Variants in OSBPL10 observed in about 807,000 individuals in gnomAD.
OSBPL10 encodes the protein oxysterol binding protein like 10, also known as oxysterol-binding protein-related protein 10.
In OSBPL10, 49 loss-of-function variants were observed where a neutral mutation model predicts 81.7. That is an observed-to-expected ratio of 0.60 (90% CI 0.48 to 0.76). The LOEUF is 0.76. OSBPL10 is among the 30% of genes least tolerant of loss of function. The probability of loss-of-function intolerance (pLI) is 0.00; values close to 1 mark genes in which losing one functional copy is unlikely to be tolerated. For missense variants in OSBPL10, 923 were observed against 987.8 expected, an observed-to-expected ratio of 0.93 and a Z score of 0.88; for synonymous variants, 419 against 383.6, an observed-to-expected ratio of 1.09 and a Z score of -1.08.
chr3:31,729,248 T>A (rs1024826335), intron 6 of OSBPL10, among the ~76,000 whole-genome samples: 2 of 152,168 alleles, frequency 1.3e-5, no homozygotes, highest in East Asian at 3.8e-4. Flanking sequence ...GATGGGTTTA[T>A]CTCATTGCCC....
intron 2 of OSBPL10, among the ~76,000 whole-genome samples, chr3:31,998,250 T>C (rs917482428): frequency 2.0e-5 from 3 of 152,184 alleles, no homozygotes; most frequent in South Asian, 2.1e-4. Context: ...TGGCATTTTT[T>C]TTGCCCCCAG....
At chr3:31,977,499 ACTAGGTG>A (rs1698723407) in intron 1 of OSBPL10, among the ~76,000 whole-genome samples, 1 of 152,160 alleles carries the variant, frequency 6.6e-6, no homozygotes, top group South Asian at 2.1e-4. Flanking sequence ...ATCCTGGCCA[ACTAGGTG>A]CTAGGTCATC....
At chr3:32,026,773 A>G (rs1281995495) in intron 2 of OSBPL10, among the ~76,000 whole-genome samples, 1 of 152,206 alleles carries the variant, frequency 6.6e-6, no homozygotes, top group African/African-American at 2.4e-5. Flanking sequence ...TACTACTTTT[A>G]GTTGAGACAG....
chr3:31,827,128 G>C (rs1002950370), intron 4 of OSBPL10, among the ~76,000 whole-genome samples: 3 of 151,824 alleles, frequency 2.0e-5, no homozygotes, highest in Non-Finnish European at 2.9e-5. Context: ...GCCCAGGCTG[G>C]TTTTGAACTC....
chr3:31,671,623 C>CTTAG (rs1272532505), intron 8 of OSBPL10, among the ~76,000 whole-genome samples: 1 of 152,274 alleles, frequency 6.6e-6, no homozygotes, highest in African/African-American at 2.4e-5. Context: ...TGTCAGCAAC[C>CTTAG]TTAGGAAAGA....
chr3:32,056,452 G>A (rs1007408439), intron 1 of OSBPL10, among the ~76,000 whole-genome samples: 7 of 152,186 alleles, frequency 4.6e-5, no homozygotes, highest in Non-Finnish European at 8.8e-5. Flanking sequence ...CTTTACTCTT[G>A]TGGAGTATAT....
chr3:31,818,399 G>A (rs542329584), intron 4 of OSBPL10, among the ~76,000 whole-genome samples: 8 of 152,246 alleles, frequency 5.3e-5, no homozygotes, highest in South Asian at 4.1e-4. Context: ...CCCAAATTCC[G>A]CGAACCAATT....
Position 31,733,052 on chromosome 3 carries a change from A to G in OSBPL10, c.1095+205T>C, listed in dbSNP as rs1042493721. On this transcript the variant is annotated intron_variant, in intron 6 of 11. Coordinates refer to ENST00000396556, the MANE Select transcript of OSBPL10 (RefSeq NM_017784.5). ...GAGATTCCTCATTCGTAGGATCACA[A>G]TTCACCCACAGCAGCTGCCAGACAC... 10 of 638,720 alleles carry G rather than the reference A, an allele frequency of 1.6e-5. No homozygotes were observed. The South Asian group carries it at 2.1e-4, about 13-fold the overall frequency. 39.6% of individuals were successfully genotyped at this position (638,720 alleles called of 1,614,324 possible).
At chr3:31,945,190 C>G (rs151202249) in intron 1 of OSBPL10, among the ~76,000 whole-genome samples, 1 of 150,218 alleles carries the variant, frequency 6.7e-6, no homozygotes, top group Non-Finnish European at 1.5e-5. Flanking sequence ...ACAAGCCATG[C>G]TAACAAAAGG....
chr3:32,060,175 T>C (rs563601185), intron 1 of OSBPL10, among the ~76,000 whole-genome samples: 1 of 152,298 alleles, frequency 6.6e-6, no homozygotes, highest in African/African-American at 2.4e-5. Flanking sequence ...GATCTGTATA[T>C]GTATGGATAG....
At chr3:31,783,688 G>T (rs1698762584) in intron 4 of OSBPL10, among the ~76,000 whole-genome samples, 1 of 147,290 alleles carries the variant, frequency 6.8e-6, no homozygotes. Context: ...CTACTCAGGA[G>T]GCAGAGGGAG....
Position 31,888,096 on chromosome 3 carries a change from A to G in OSBPL10, c.282-8266T>C, listed in dbSNP as rs1695788952. On this transcript the variant is annotated intron_variant, in intron 1 of 11. Coordinates refer to ENST00000396556, the MANE Select transcript of OSBPL10 (RefSeq NM_017784.5). Reference sequence around the variant, plus strand: ...AGATACTACAAAGCTGTAGTATCCAAAACAGCATGGTACTGGCACAAAAAA... The same window carrying G: ...AGATACTACAAAGCTGTAGTATCCAGAACAGCATGGTACTGGCACAAAAAA... Among the ~76,000 whole-genome samples, 3 of 152,212 alleles carry G rather than the reference A, an allele frequency of 2.0e-5. No homozygotes were observed. The South Asian group carries it at 6.2e-4, about 31-fold the overall frequency.
At chr3:31,908,363 T>C (rs1191258672) in intron 1 of OSBPL10, among the ~76,000 whole-genome samples, 2 of 152,204 alleles carry the variant, frequency 1.3e-5, no homozygotes, top group Non-Finnish European at 2.9e-5. Flanking sequence ...AAGAGCTTAG[T>C]ATAATTGTCT....
At chr3:31,926,478 G>A (rs534197880) in intron 1 of OSBPL10, among the ~76,000 whole-genome samples, 2 of 152,230 alleles carry the variant, frequency 1.3e-5, no homozygotes, top group East Asian at 3.9e-4. Flanking sequence ...AGAAGCCGTG[G>A]AATAAACCAA....
intron 4 of OSBPL10, among the ~76,000 whole-genome samples, chr3:31,820,296 T>C (rs1575565729): frequency 6.6e-6 from 1 of 152,200 alleles, no homozygotes; most frequent in African/African-American, 2.4e-5. Flanking sequence ...CTAATGGGGA[T>C]ATTAGAAAAA....
chr3:31,928,962 C>A (rs1167997364), intron 1 of OSBPL10, among the ~76,000 whole-genome samples: 1 of 152,112 alleles, frequency 6.6e-6, no homozygotes, highest in Non-Finnish European at 1.5e-5. Context: ...AGCTGACTTG[C>A]ACAATAGCAT....
At chr3:31,911,591 A>G (rs144367815) in intron 1 of OSBPL10, among the ~76,000 whole-genome samples, 4 of 151,788 alleles carry the variant, frequency 2.6e-5, no homozygotes, top group African/African-American at 9.7e-5. Flanking sequence ...ATATACTAAC[A>G]CTAACAATAG....
chr3:32,030,995 G>A (rs1020980745), intron 2 of OSBPL10, among the ~76,000 whole-genome samples: 15 of 151,856 alleles, frequency 9.9e-5, no homozygotes, highest in African/African-American at 2.9e-4. Context: ...GTAAAACCTC[G>A]TCTCTACTAA....
intron 8 of OSBPL10, among the ~76,000 whole-genome samples, chr3:31,680,119 C>T (rs1428457930): frequency 2.0e-5 from 3 of 152,164 alleles, no homozygotes; most frequent in Admixed American, 6.5e-5. Context: ...GGAGAACAAG[C>T]AGTCACTGGG....
Sources: allele counts gnomAD v4.1 joint callset (sites outside exome capture counted in the v4.1 genomes callset), GRCh38; gene constraint gnomAD v4.1.1; transcripts MANE v1.5; gene names NCBI Gene and HGNC (gene_info 2026-07-23, HGNC 2026-07-21).